Variants in STXBP4 observed in about 807,000 individuals in gnomAD.
The protein encoded by STXBP4 is syntaxin-binding protein 4.
Under a neutral mutation model 76.1 loss-of-function variants are expected in STXBP4, and 55 were observed. That is an observed-to-expected ratio of 0.72 (90% confidence interval 0.58 to 0.91). STXBP4 has a LOEUF of 0.91. Ranked by LOEUF, STXBP4 falls within the 40% of genes least tolerant of loss-of-function variation. STXBP4 has a pLI of 0.00. For synonymous variants in STXBP4, 201 were observed against 220.2 expected (o/e 0.91, Z 0.77); for missense variants, 618 against 636.9 (o/e 0.97, Z 0.32).
In STXBP4 at chr17:55,160,541, G is replaced by A. The variant is rs550202644; in HGVS notation, c.*630G>A. On this transcript the variant is annotated 3_prime_UTR_variant, in exon 18 of 18. Coordinates refer to ENST00000376352, the MANE Select transcript of STXBP4 (RefSeq NM_178509.6). The stretch of plus-strand genomic sequence containing the variant: ...ATTCTTGGTTTTCAGTAGGGAAATA[G>A]CAGTTCAGAGAGAGGAAGCTCTCTG... 8.6e-4 allele frequency: 131 copies of A among 152,706 alleles called. No homozygotes were observed. Among genetic ancestry groups the A allele is most frequent in the African/African-American group, 3.0e-3 (126 of 41,518 alleles). The allele number at this position is 152,706 out of a possible 1,614,324, so 9.5% of individuals were successfully genotyped here.
intron 13 of STXBP4, among the ~76,000 whole-genome samples, chr17:55,073,628 G>A (rs767328570): frequency 2.0e-5 from 3 of 152,074 alleles, no homozygotes; most frequent in Non-Finnish European, 2.9e-5. Context: ...AAGGCAGTGC[G>A]AACTTTTTGT....
At chr17:55,079,477 G>T (rs537971498) in intron 15 of STXBP4, among the ~76,000 whole-genome samples, 1 of 152,096 alleles carries the variant, frequency 6.6e-6, no homozygotes, top group African/African-American at 2.4e-5. Flanking sequence ...ACTCAATGAG[G>T]TTGGGTGTGA....
At chr17:55,103,780 C>G (rs956608500) in intron 16 of STXBP4, among the ~76,000 whole-genome samples, 2 of 152,042 alleles carry the variant, frequency 1.3e-5, no homozygotes, top group Non-Finnish European at 2.9e-5. Flanking sequence ...AATGTTTTTC[C>G]ATTTGTTTGT....
intron 11 of STXBP4, chr17:55,043,658 A>C: frequency 1.9e-6 from 3 of 1,549,616 alleles, no homozygotes; most frequent in Non-Finnish European, 2.6e-6. Context: ...AAGTCGTGGC[A>C]ATTTTGGATC....
intron 12 of STXBP4, among the ~76,000 whole-genome samples, chr17:55,047,433 C>A (rs1238397331): frequency 2.0e-5 from 3 of 151,690 alleles, no homozygotes; most frequent in Admixed American, 6.6e-5. Flanking sequence ...AATAACCAAT[C>A]TCATTACTTC....
At chr17:55,072,109 G>T (rs1439331181) in intron 12 of STXBP4, among the ~76,000 whole-genome samples, 1 of 152,062 alleles carries the variant, frequency 6.6e-6, no homozygotes, top group Non-Finnish European at 1.5e-5. Flanking sequence ...TCATTTAGAG[G>T]CAGAGTAAAA....
intron 16 of STXBP4, among the ~76,000 whole-genome samples, chr17:55,139,368 CAA>C (rs1206854275): frequency 6.6e-6 from 1 of 152,104 alleles, no homozygotes; most frequent in African/African-American, 2.4e-5. Flanking sequence ...ACTGATCAGA[CAA>C]ATTATTTAGC....
At chr17:55,022,980 A>G (rs1002371261) in intron 8 of STXBP4, among the ~76,000 whole-genome samples, 4 of 152,320 alleles carry the variant, frequency 2.6e-5, no homozygotes, top group Non-Finnish European at 4.4e-5. Flanking sequence ...GTGAGTGTAC[A>G]TTTTTTGACT....
At chr17:55,029,084 C>G (rs1360027399) in intron 8 of STXBP4, among the ~76,000 whole-genome samples, 1 of 151,586 alleles carries the variant, frequency 6.6e-6, no homozygotes, top group East Asian at 1.9e-4. Flanking sequence ...GTTATAAAAG[C>G]CTGTTAATCA....
chr17:55,028,037 A>G (rs1222772262), intron 8 of STXBP4, among the ~76,000 whole-genome samples: 5 of 152,168 alleles, frequency 3.3e-5, no homozygotes, highest in Non-Finnish European at 5.9e-5. Context: ...GGGTTTTTAT[A>G]TGTTTTGGTT....
chr17:55,087,088 T>G (rs900601377), intron 16 of STXBP4, among the ~76,000 whole-genome samples: 8 of 152,180 alleles, frequency 5.3e-5, no homozygotes, highest in African/African-American at 1.9e-4. Flanking sequence ...TCAGATCATT[T>G]GCTCACTTTT....
chr17:55,186,163 T>G, the STXBP4 span, among the ~76,000 whole-genome samples: 1 of 152,216 alleles, frequency 6.6e-6, no homozygotes, highest in Admixed American at 6.5e-5. Context: ...AACCATACAT[T>G]AATTTATGAC....
At chr17:55,025,764 G>A (rs554704023) in intron 8 of STXBP4, among the ~76,000 whole-genome samples, 1 of 152,254 alleles carries the variant, frequency 6.6e-6, no homozygotes, top group African/African-American at 2.4e-5. Context: ...TCTATTTTAT[G>A]TTGCGTTGGA....
At position 55,169,212 on chromosome 17, in the gene STXBP4, A is replaced by G. The variant is rs1444929755; in HGVS notation, c.*9301A>G. 6.6e-6 allele frequency: 1 copy of G among 152,214 alleles called. No homozygotes were observed. Among genetic ancestry groups the G allele is most frequent in the Non-Finnish European group, 1.5e-5 (1 of 68,046 alleles). The allele number at this position is 152,214 out of a possible 1,614,324, so 9.4% of individuals were successfully genotyped here. On this transcript the variant is annotated 3_prime_UTR_variant, in exon 18 of 18. Coordinates refer to ENST00000376352, the MANE Select transcript of STXBP4 (RefSeq NM_178509.6). Reference sequence around the variant, plus strand: ...AAGGAAAGGGGGAAAAAAACCCACAAAAAGTGTGATGTCAAGCAAAGCCTA... The same window carrying G: ...AAGGAAAGGGGGAAAAAAACCCACAGAAAGTGTGATGTCAAGCAAAGCCTA...
chr17:55,087,076 G>T (rs1598299557), intron 16 of STXBP4, among the ~76,000 whole-genome samples: 1 of 152,220 alleles, frequency 6.6e-6, no homozygotes, highest in South Asian at 2.1e-4. Flanking sequence ...GGAAATGTCT[G>T]TTCAGATCAT....
intron 13 of STXBP4, among the ~76,000 whole-genome samples, chr17:55,076,895 C>G (rs1166623473): frequency 2.0e-5 from 3 of 151,914 alleles, no homozygotes; most frequent in Non-Finnish European, 4.4e-5. Context: ...TCAAGTTCAC[C>G]CATTCTCTTT....
At position 54,968,822 on chromosome 17, in the gene STXBP4, T is replaced by G; in HGVS notation, c.-157+7T>G. 1.5e-6 allele frequency: 1 copy of G among 647,268 alleles called. No homozygotes were observed. Among genetic ancestry groups the G allele is most frequent in the East Asian group, 2.7e-5 (1 of 36,808 alleles). The allele number at this position is 647,268 out of a possible 1,614,324, so 40.1% of individuals were successfully genotyped here. The stretch of plus-strand genomic sequence containing the variant: ...CCGGGTTGCCAGATTACGGGTAAGT[T>G]TGCGTTTTGCTTTGTGACTGTTACT... On this transcript the variant is annotated splice_region_variant and intron_variant, in intron 1 of 17. Coordinates refer to ENST00000376352, the MANE Select transcript of STXBP4 (RefSeq NM_178509.6).
At chr17:55,053,353 A>G (rs2078884978) in intron 12 of STXBP4, among the ~76,000 whole-genome samples, 1 of 152,118 alleles carries the variant, frequency 6.6e-6, no homozygotes, top group Non-Finnish European at 1.5e-5. Context: ...GTATATTTAT[A>G]TATACATGTG....
the STXBP4 span, among the ~76,000 whole-genome samples, chr17:55,184,319 TAA>T: frequency 6.6e-6 from 1 of 152,206 alleles, no homozygotes; most frequent in African/African-American, 2.4e-5. Flanking sequence ...TACTATTTTT[TAA>T]AAAGTTATTA....
Sources: gnomAD v4.1 joint callset for allele counts (sites outside exome capture counted in the v4.1 genomes callset) on GRCh38, gnomAD v4.1.1 for gene constraint, MANE v1.5 for transcripts, NCBI Gene and HGNC (gene_info 2026-07-23, HGNC 2026-07-21) for gene names.